COL18A1: variants seen among roughly 807,000 people sequenced by gnomAD.
COL18A1 encodes collagen alpha-1(XVIII) chain.
COL18A1 carries 133 observed loss-of-function variants against 168.0 expected under a neutral mutation model. The observed-to-expected ratio is 0.79, with a 90% confidence interval of 0.69 to 0.91. COL18A1 has a LOEUF of 0.91. Ranked by LOEUF, COL18A1 falls within the 40% of genes least tolerant of loss-of-function variation. The pLI is 0.00. For synonymous variants in COL18A1, 949 were observed against 809.0 expected, an observed-to-expected ratio of 1.17 and a Z score of -2.94; for missense variants, 2,126 against 1,925.4, an observed-to-expected ratio of 1.10 and a Z score of -1.95.
At chr21:45,479,276 GCA>G (rs759567557) in intron 9 of COL18A1, among the ~76,000 whole-genome samples, 5 of 149,004 alleles carry the variant, frequency 3.4e-5, no homozygotes, top group East Asian at 2.0e-4. Flanking sequence ...GTGGACACAT[GCA>G]CACACATTAC....
Position 45,512,322 on chromosome 21 carries a change from G to A in COL18A1, c.3944G>A (p.Gly1315Glu). Residue 1315 changes from glycine to glutamate, a missense_variant, in exon 42 of 42, where the codon GGG (glycine) becomes GAG (glutamate). By Grantham distance (98) the Gly-to-Glu change is moderately conservative (BLOSUM62 -2). Transcript: ENST00000651438. ...TCGCTGCTGGGGGGCAGGCTCCTGG[G>A]GCAGAGTGCCGCGAGCTGCCATCAC... ...ASSLLGGRLLGQSAASCHHAY... is the reference protein window; with the variant it reads ...ASSLLGGRLLEQSAASCHHAY... 2 of 1,612,596 alleles carry A rather than the reference G, an allele frequency of 1.2e-6. No homozygotes were observed. Among genetic ancestry groups the A allele is most frequent in the Non-Finnish European group, 1.7e-6 (2 of 1,179,824 alleles).
intron 6 of COL18A1, 93 bp downstream of exon 6, chr21:45,476,573 T>C (rs1479029866): frequency 1.0e-5 from 15 of 1,463,228 alleles, no homozygotes; most frequent in African/African-American, 1.4e-5. Context: ...GTGTGTGATG[T>C]ATGGTGTGTG....
chr21:45,505,812 C>A, intron 36 of COL18A1, 26 bp from the exon 37 acceptor site: 1 of 1,588,374 alleles, frequency 6.3e-7, no homozygotes, highest in South Asian at 1.1e-5. Flanking sequence ...CGCCAAGCCC[C>A]ACACCTCTGC....
chr21:45,443,379 G>A lies in COL18A1; in HGVS notation c.107-24863G>A, dbSNP rs188132889. 3.4e-3 allele frequency among the ~76,000 whole-genome samples: 513 copies of A among 152,264 alleles called. 3 individuals carry two copies. The highest frequency in any genetic ancestry group is 0.012 in the African/African-American group (495 of 41,546). On this transcript the variant is annotated intron_variant, in intron 2 of 41. Transcript: ENST00000651438. The surrounding 1 kb of genome is among the most constrained non-coding windows in gnomAD (Gnocchi z 5.2). ...TTAAGGAGCAACCTGGTAAACCCTT[G>A]AAAACCAAGTGGGCCTTCACCAGCT...
chr21:45,448,590 C>T lies in COL18A1; in HGVS notation c.107-19652C>T, dbSNP rs73909554. 1.2e-3 allele frequency among the ~76,000 whole-genome samples: 180 copies of T among 152,378 alleles called. 1 individual carries two copies. Among genetic ancestry groups the T allele is most frequent in the African/African-American group, 4.1e-3 (171 of 41,596 alleles). ...AGACGCTCGCTGAGGTGAGCCGCAG[C>T]ATCTCCACACATTGCCCTGTAGATG... On this transcript the variant is annotated intron_variant, in intron 2 of 41. Transcript: ENST00000651438.
At chr21:45,477,112 G>A (rs1444129960) in intron 6 of COL18A1, among the ~76,000 whole-genome samples, 1 of 152,174 alleles carries the variant, frequency 6.6e-6, no homozygotes, top group Non-Finnish European at 1.5e-5. Context: ...GTGATAAGAA[G>A]GCATTCTGGG....
intron 2 of COL18A1, among the ~76,000 whole-genome samples, chr21:45,427,131 G>A (rs2033828050): frequency 6.6e-6 from 1 of 152,120 alleles, no homozygotes; most frequent in Non-Finnish European, 1.5e-5. Context: ...GTAGGGCCTG[G>A]TCACTGGAAT....
chr21:45,492,130 G>C (rs539155407), intron 22 of COL18A1, among the ~76,000 whole-genome samples: 1 of 152,176 alleles, frequency 6.6e-6, no homozygotes, highest in Admixed American at 6.5e-5. Context: ...GCCCCAGCAC[G>C]GCTTTGCTAG....
chr21:45,425,337 G>A lies in COL18A1; in HGVS notation c.106+19864G>A, dbSNP rs566435802. Reference sequence around the variant, plus strand: ...CGCGTCCACCTGTCTCCCTGGACACGCCTGTCAGAGCCCCAGACTGGGCTC... The same window carrying A: ...CGCGTCCACCTGTCTCCCTGGACACACCTGTCAGAGCCCCAGACTGGGCTC... On this transcript the variant is annotated intron_variant, in intron 2 of 41. Transcript: ENST00000651438. The surrounding 1 kb of genome is among the most constrained non-coding windows in gnomAD (Gnocchi z 4.1). 3.0e-4 allele frequency among the ~76,000 whole-genome samples: 45 copies of A among 152,304 alleles called. No individual in the cohort carries two copies. The highest frequency in any genetic ancestry group is 2.5e-3 in the South Asian group (12 of 4,832).
At chr21:45,489,019 A>T (rs2036209071) in intron 18 of COL18A1, among the ~76,000 whole-genome samples, 1 of 152,144 alleles carries the variant, frequency 6.6e-6, no homozygotes, top group South Asian at 2.1e-4. Context: ...TGCTCATCAA[A>T]GCGTCCTCTG....
intron 32 of COL18A1, among the ~76,000 whole-genome samples, chr21:45,499,270 G>A (rs1156275200): frequency 6.6e-6 from 1 of 152,238 alleles, no homozygotes; most frequent in African/African-American, 2.4e-5. Flanking sequence ...GCAGTGGAGG[G>A]TATTTCAGGG....
At position 45,425,602 on chromosome 21, in the gene COL18A1, A is replaced by G. The variant is rs8129643; in HGVS notation, c.106+20129A>G. ...GTGGAGCTGGGCTGCAGACTTGCAC[A>G]AGGTGGGGTCCTGTGTCTGGAGTCA... On this transcript the variant is annotated intron_variant, in intron 2 of 41. Coordinates refer to ENST00000651438, the MANE Select transcript of COL18A1 (RefSeq NM_001379500.1). The surrounding 1 kb of genome is among the most constrained non-coding windows in gnomAD (Gnocchi z 4.1). Among the ~76,000 whole-genome samples, 23,825 of 152,058 alleles carry G rather than the reference A, an allele frequency of 0.16. 2,323 individuals are homozygous for G. The highest frequency in any genetic ancestry group is 0.27 in the African/African-American group (11,105 of 41,470).
Position 45,509,454 on chromosome 21 carries a change from G to T in COL18A1, c.3348G>T (p.Trp1116Cys). 6.5e-7 allele frequency: 1 copy of T among 1,533,980 alleles called. No individual in the cohort carries two copies. Residue 1116 changes from tryptophan (W) to cysteine (C), a missense_variant, in exon 39 of 42, where the codon TGG (tryptophan) becomes TGT (cysteine). Trp to Cys is a radical substitution (Grantham distance 215). Transcript: ENST00000651438. ...ACCCCCACCCCACCGCGCGGCCCTGGCGGGCAGATGACATCCTGGCCAGCC... is the reference window on the plus strand; with the variant it reads ...ACCCCCACCCCACCGCGCGGCCCTGTCGGGCAGATGACATCCTGGCCAGCC... ...REHPHPTARP[W>C]RADDILASPP...
At chr21:45,432,769 G>A (rs1375883865) in intron 2 of COL18A1, among the ~76,000 whole-genome samples, 1 of 152,216 alleles carries the variant, frequency 6.6e-6, no homozygotes, top group East Asian at 1.9e-4. Context: ...GTGGGTCAGG[G>A]TGGGACATGG....
At chr21:45,496,089 TATGCCCTCC>T (rs201650968) in intron 29 of COL18A1, 6,331 of 260,300 alleles carry the variant, frequency 0.024, 296 homozygotes, top group African/African-American at 0.13. Flanking sequence ...CCATGCCCTC[TATGCCCTCC>T]ATGCCCTCCA....
intron 26 of COL18A1, chr21:45,494,111 AGCAGT>A (rs1012935737): frequency 3.4e-5 from 11 of 319,792 alleles, no homozygotes; most frequent in Non-Finnish European, 6.0e-5. Flanking sequence ...TTTCAGAGGG[AGCAGT>A]GAGCCCTCCG....
Position 45,494,566 on chromosome 21 carries a change from C to T in COL18A1, c.2374C>T (p.Pro792Ser). 2.7e-5 allele frequency: 43 copies of T among 1,613,232 alleles called. No homozygotes were observed. The highest frequency in any genetic ancestry group is 3.6e-5 in the Non-Finnish European group (43 of 1,179,976). ...TCAGGGAGAGCCGGGCTTCCGAGGA[C>T]CCCCGGTAAGTCGGTCCCTGGCTTT... is the stretch of plus-strand genomic sequence containing the variant. Reference protein sequence around the residue: ...GAKGEPGFRGPPGPYGRPGYK... With the variant: ...GAKGEPGFRGSPGPYGRPGYK... Residue 792 changes from proline (P) to serine (S), a missense_variant, in exon 27 of 42, where the codon CCC (proline) becomes TCC (serine). Pro to Ser is a moderately conservative substitution (Grantham distance 74, BLOSUM62 -1). Coordinates refer to ENST00000651438, the MANE Select transcript of COL18A1 (RefSeq NM_001379500.1).
At chr21:45,483,118 A>T (rs2035957168) in intron 15 of COL18A1, among the ~76,000 whole-genome samples, 1 of 152,262 alleles carries the variant, frequency 6.6e-6, no homozygotes, top group South Asian at 2.1e-4. Context: ...TCTGGAAACA[A>T]GCTCCGTGTG....
At chr21:45,414,455 G>C (rs2033385460) in intron 2 of COL18A1, among the ~76,000 whole-genome samples, 1 of 152,236 alleles carries the variant, frequency 6.6e-6, no homozygotes, top group Non-Finnish European at 1.5e-5. Context: ...AGAATGTTGT[G>C]GGAGGTTTGG....
Sources: allele counts gnomAD v4.1 joint callset (sites outside exome capture counted in the v4.1 genomes callset), GRCh38; gene constraint gnomAD v4.1.1; non-coding constraint Gnocchi (gnomAD v3.1); transcripts MANE v1.5; gene names NCBI Gene and HGNC (gene_info 2026-07-23, HGNC 2026-07-21).